NRG3: variants seen among roughly 807,000 people sequenced by gnomAD.
NRG3 encodes neuregulin 3.
Under a neutral mutation model 66.9 loss-of-function variants are expected in NRG3, and 31 were observed. That is an observed-to-expected ratio of 0.46 (90% CI 0.35 to 0.63). The LOEUF is 0.63. Ranked by LOEUF, NRG3 falls within the 20% of genes least tolerant of loss-of-function variation. The pLI is 0.00. For missense variants in NRG3, 910 were observed against 878.9 expected (o/e 1.04, Z -0.45); for synonymous variants, 393 against 359.4 (o/e 1.09, Z -1.06).
At chr10:82,866,154 A>G (rs1840711369) in intron 4 of NRG3, among the ~76,000 whole-genome samples, 2 of 152,162 alleles carry the variant, frequency 1.3e-5, no homozygotes, top group African/African-American at 2.4e-5. Flanking sequence ...ATGGATGGAA[A>G]GACACTCAGG....
At chr10:82,830,743 G>T (rs1205644220) in intron 3 of NRG3, among the ~76,000 whole-genome samples, 1 of 152,154 alleles carries the variant, frequency 6.6e-6, no homozygotes, top group Admixed American at 6.6e-5. Context: ...TTGTGTTGCT[G>T]CAACTCCTAC....
intron 1 of NRG3, among the ~76,000 whole-genome samples, chr10:82,080,040 A>T (rs2065300859): frequency 6.6e-6 from 1 of 152,214 alleles, no homozygotes; most frequent in Non-Finnish European, 1.5e-5. Flanking sequence ...AGAAATCACA[A>T]AAGAACAGTC....
At chr10:82,740,074 T>A (rs186278528) in intron 3 of NRG3, among the ~76,000 whole-genome samples, 1 of 151,986 alleles carries the variant, frequency 6.6e-6, no homozygotes, top group Admixed American at 6.5e-5. Flanking sequence ...TTTCTGTTTT[T>A]ATCCCTTCTC....
At chr10:82,118,830 G>C (rs1341589802) in intron 1 of NRG3, among the ~76,000 whole-genome samples, 1 of 152,004 alleles carries the variant, frequency 6.6e-6, no homozygotes, top group East Asian at 1.9e-4. Flanking sequence ...CTCCTGATGA[G>C]CCTTTTCTCC....
chr10:82,746,736 G>A (rs2058661666), intron 3 of NRG3, among the ~76,000 whole-genome samples: 1 of 151,966 alleles, frequency 6.6e-6, no homozygotes, highest in Non-Finnish European at 1.5e-5. Context: ...TCAAATCTGA[G>A]GTACCAGAAA....
At chr10:82,376,099 G>A (rs1281807648) in intron 2 of NRG3, among the ~76,000 whole-genome samples, 1 of 152,114 alleles carries the variant, frequency 6.6e-6, no homozygotes, top group African/African-American at 2.4e-5. Context: ...GTTTCAGTAG[G>A]TCTGGGGTGG....
intron 2 of NRG3, among the ~76,000 whole-genome samples, chr10:82,562,238 T>C (rs78704573): frequency 0.014 from 2,074 of 152,310 alleles, 30 homozygotes; most frequent in Non-Finnish European, 0.022. Flanking sequence ...TCATAGTTTC[T>C]ATCTCTATTA....
At chr10:82,119,931 C>T (rs1014179669) in intron 1 of NRG3, among the ~76,000 whole-genome samples, 1 of 152,062 alleles carries the variant, frequency 6.6e-6, no homozygotes, top group Non-Finnish European at 1.5e-5. Context: ...GGAGAAAGAA[C>T]CCTGTGCTAT....
chr10:82,190,046 A>G (rs1477204639), intron 1 of NRG3, among the ~76,000 whole-genome samples: 1 of 152,150 alleles, frequency 6.6e-6, no homozygotes, highest in Non-Finnish European at 1.5e-5. Flanking sequence ...GCAATATGGC[A>G]TGCAGTTCAG....
chr10:81,958,205 C>G (rs1030552415), intron 1 of NRG3, among the ~76,000 whole-genome samples: 2 of 152,122 alleles, frequency 1.3e-5, no homozygotes, highest in African/African-American at 2.4e-5. Context: ...TTATTAGTTT[C>G]CATGTGGTAT....
intron 3 of NRG3, among the ~76,000 whole-genome samples, chr10:82,789,204 A>G (rs1381655761): frequency 1.3e-5 from 2 of 152,122 alleles, no homozygotes; most frequent in East Asian, 3.9e-4. Context: ...AAGAAATGGT[A>G]TCTCACTAGG....
Position 81,875,569 on chromosome 10 carries a change from A to G in NRG3, c.229A>G (p.Ile77Val), listed in dbSNP as rs1359320846. 1.9e-6 allele frequency: 3 copies of G among 1,613,458 alleles called. No homozygotes were observed. The highest frequency in any genetic ancestry group is 2.5e-6 in the Non-Finnish European group (3 of 1,179,908). The change falls in exon 1 of 9, where the codon ATC becomes GTC. Residue 77 changes from isoleucine (I) to valine (V), a missense_variant. By Grantham distance (29) the Ile-to-Val change is conservative (BLOSUM62 3). Coordinates refer to ENST00000372141, the MANE Select transcript of NRG3 (RefSeq NM_001010848.4). This position sits in a 1 kb window ranked among gnomAD's most constrained non-coding sequence, Gnocchi z 5.3. ...CGTGGTACCTCTGTTCATCGGCTTCATCGGCCTGGGGCTCAGCCTCATGCT... is the reference window on the plus strand; with the variant it reads ...CGTGGTACCTCTGTTCATCGGCTTCGTCGGCCTGGGGCTCAGCCTCATGCT... ...LCVVPLFIGF[I>V]GLGLSLMLLK...
intron 2 of NRG3, among the ~76,000 whole-genome samples, chr10:82,719,130 A>G (rs2057145525): frequency 6.6e-6 from 1 of 152,180 alleles, no homozygotes; most frequent in African/African-American, 2.4e-5. Context: ...AAGTGCAGTG[A>G]GGAAGTAGTG....
intron 1 of NRG3, among the ~76,000 whole-genome samples, chr10:82,184,352 T>C (rs1038943524): frequency 1.3e-5 from 2 of 152,054 alleles, no homozygotes; most frequent in Admixed American, 1.3e-4. Context: ...ATTCCATTGG[T>C]AAGAACTTGT....
chr10:82,076,098 A>G (rs774982647), intron 1 of NRG3, among the ~76,000 whole-genome samples: 15 of 152,160 alleles, frequency 9.9e-5, no homozygotes, highest in Non-Finnish European at 1.5e-4. Flanking sequence ...TTCTTGGCCA[A>G]TGGAGTACTG....
intron 2 of NRG3, among the ~76,000 whole-genome samples, chr10:82,576,224 T>C (rs1051072193): frequency 1.3e-5 from 2 of 151,658 alleles, no homozygotes; most frequent in Non-Finnish European, 3.0e-5. Flanking sequence ...CTGGATGTTT[T>C]TATATTCCTA....
chr10:82,247,838 T>G (rs1038672864), intron 1 of NRG3, among the ~76,000 whole-genome samples: 2 of 152,144 alleles, frequency 1.3e-5, no homozygotes, highest in African/African-American at 4.8e-5. Context: ...CTTTAAATAA[T>G]CAAAACGTGT....
chr10:82,864,534 GA>G lies in NRG3; in HGVS notation c.1028-870del, dbSNP rs557362921. Among the ~76,000 whole-genome samples, 1,089 of 152,050 alleles carry G rather than the reference GA, an allele frequency of 7.2e-3. 12 individuals are homozygous for G. The highest frequency in any genetic ancestry group is 0.025 in the African/African-American group (1,024 of 41,486). The stretch of plus-strand genomic sequence containing the variant: ...ACTTCAGACAAATATTATGGCAACA[GA>G]AAAAAATGTTAATTAATGCAATGAA... On this transcript the variant is annotated intron_variant, in intron 3 of 8. Coordinates refer to ENST00000372141, the MANE Select transcript of NRG3 (RefSeq NM_001010848.4).
intron 2 of NRG3, among the ~76,000 whole-genome samples, chr10:82,375,319 C>T (rs564755268): frequency 7.3e-4 from 111 of 152,200 alleles, no homozygotes; most frequent in South Asian, 1.2e-3. Context: ...GGGCGGATCA[C>T]GAGGTCAGGA....
Sources: gnomAD v4.1 joint callset for allele counts (sites outside exome capture counted in the v4.1 genomes callset) on GRCh38, gnomAD v4.1.1 for gene constraint, Gnocchi (gnomAD v3.1) non-coding constraint, MANE v1.5 for transcripts, NCBI Gene and HGNC (gene_info 2026-07-23, HGNC 2026-07-21) for gene names.